The following EPB41L2 variants were observed in gnomAD, a reference collection of about 807,000 sequenced individuals.
EPB41L2 encodes the protein band 4.1-like protein 2.
A neutral mutation model predicts 113.0 loss-of-function variants in EPB41L2; 43 were observed. The ratio of observed to expected loss-of-function variants is 0.38; its 90% CI spans 0.30 to 0.49. The LOEUF is 0.49. EPB41L2 is among the 20% of genes least tolerant of loss of function. EPB41L2 has a pLI of 0.95. For missense variants in EPB41L2, 1,147 were observed against 1,223.4 expected (o/e 0.94, Z 0.93); for synonymous variants, 442 against 436.7 (o/e 1.01, Z -0.15).
At chr6:130,923,914 C>A (rs1229178188) in intron 4 of EPB41L2, among the ~76,000 whole-genome samples, 1 of 152,118 alleles carries the variant, frequency 6.6e-6, no homozygotes, top group East Asian at 1.9e-4. Context: ...TTCTCATTGT[C>A]CAACAGAGCT....
At position 130,858,182 on chromosome 6, in the gene EPB41L2, A is replaced by G. The variant is rs1780890498; in HGVS notation, c.2972T>C (p.Val991Ala). 1 of 1,613,660 alleles carries G rather than the reference A, an allele frequency of 6.2e-7. No homozygotes were observed. Among genetic ancestry groups the G allele is most frequent in the Non-Finnish European group, 8.5e-7 (1 of 1,179,870 alleles). Residue 991 changes from valine to alanine, a missense_variant, in exon 19 of 20, where the codon GTG (valine) becomes GCG (alanine). Transcript: ENST00000337057. The part of the protein sequence containing the change: ...EQHPDMSVTR[V>A]VVHKETELAE... ...CAACTCTGTTTCTTTGTGTACCACCACTCTTGTGACCGACATGTCAGGGTG... is the reference window on the plus strand; with the variant it reads ...CAACTCTGTTTCTTTGTGTACCACCGCTCTTGTGACCGACATGTCAGGGTG...
At chr6:131,047,001 T>C (rs1396113151) in intron 1 of EPB41L2, among the ~76,000 whole-genome samples, 4 of 152,182 alleles carry the variant, frequency 2.6e-5, no homozygotes, top group African/African-American at 9.7e-5. Flanking sequence ...GTTATGGCTA[T>C]AGGCTCTGGA....
chr6:130,869,942 C>T lies in EPB41L2; in HGVS notation c.2228G>A (p.Ser743Asn). The change falls in exon 15 of 20, where the codon AGC becomes AAC. Residue 743 changes from serine (S) to asparagine (N), a missense_variant. Physicochemically the swap from Ser to Asn is conservative, Grantham distance 46. Coordinates refer to ENST00000337057, the MANE Select transcript of EPB41L2 (RefSeq NM_001431.4). ...TTCCTCCTCACTCTCACTGCTGCTG[C>T]TGCTGCTCTCAGAAGACAGGGAGGT... ...DSTSLSSESS[S>N]SSSESEEEDV... The T allele has an allele frequency of 1.9e-6, 3 of 1,613,336 alleles. No homozygotes were observed. The highest frequency in any genetic ancestry group is 2.5e-6 in the Non-Finnish European group (3 of 1,180,026).
intron 1 of EPB41L2, among the ~76,000 whole-genome samples, chr6:131,057,789 G>A (rs944402852): frequency 6.6e-6 from 1 of 152,140 alleles, no homozygotes; most frequent in Admixed American, 6.5e-5. Flanking sequence ...AGAGGAAACT[G>A]GTCTCTTCAG....
chr6:130,971,913 A>G (rs1450586676), intron 1 of EPB41L2, among the ~76,000 whole-genome samples: 1 of 152,250 alleles, frequency 6.6e-6, no homozygotes, highest in Non-Finnish European at 1.5e-5. Flanking sequence ...AAGAATGTCT[A>G]TTCATTCAAC....
At chr6:130,971,690 G>A (rs1268864384) in intron 1 of EPB41L2, among the ~76,000 whole-genome samples, 2 of 152,168 alleles carry the variant, frequency 1.3e-5, no homozygotes, top group African/African-American at 4.8e-5. Flanking sequence ...GCTTGTTTCT[G>A]GAATTTTCCA....
intron 2 of EPB41L2, 42 bp downstream of exon 2, chr6:130,955,952 G>A (rs766927410): frequency 2.9e-5 from 46 of 1,577,314 alleles, no homozygotes; most frequent in Middle Eastern, 1.7e-4. Flanking sequence ...ATGTGGTTAC[G>A]CTATCAGGTT....
intron 3 of EPB41L2, among the ~76,000 whole-genome samples, chr6:130,929,902 C>CACACACACACACACACAAACAT: frequency 6.7e-6 from 1 of 148,524 alleles, no homozygotes; most frequent in African/African-American, 2.5e-5. Context: ...CACACATACA[C>CACACACACACACACACAAACAT]GCACAGTCAT....
intron 1 of EPB41L2, among the ~76,000 whole-genome samples, chr6:130,958,537 C>T (rs546232853): frequency 1.3e-5 from 2 of 150,630 alleles, no homozygotes; most frequent in African/African-American, 2.4e-5. Flanking sequence ...ACCAGGCAGG[C>T]GTTTCTGCAG....
At chr6:130,867,789 T>A in intron 15 of EPB41L2, 1 of 542,488 alleles carries the variant, frequency 1.8e-6, no homozygotes, top group Non-Finnish European at 3.3e-6. Flanking sequence ...TACATACATG[T>A]GCACATAGAT....
chr6:130,925,559 T>C (rs1804449726), intron 4 of EPB41L2, among the ~76,000 whole-genome samples: 1 of 152,204 alleles, frequency 6.6e-6, no homozygotes, highest in African/African-American at 2.4e-5. Flanking sequence ...TACAACATAC[T>C]GAATTGTCCC....
intron 1 of EPB41L2, among the ~76,000 whole-genome samples, chr6:130,981,924 A>G (rs985890259): frequency 2.6e-5 from 4 of 152,130 alleles, no homozygotes; most frequent in Admixed American, 6.5e-5. Context: ...TAAAATTACT[A>G]TTTATCACCA....
At chr6:131,005,378 C>T (rs1785254498) in intron 1 of EPB41L2, among the ~76,000 whole-genome samples, 1 of 152,186 alleles carries the variant, frequency 6.6e-6, no homozygotes, top group Admixed American at 6.5e-5. Flanking sequence ...TGCCCTAGAA[C>T]CTGACATTTG....
At chr6:130,867,124 T>C (rs1337981205) in intron 16 of EPB41L2, among the ~76,000 whole-genome samples, 1 of 152,154 alleles carries the variant, frequency 6.6e-6, no homozygotes, top group Non-Finnish European at 1.5e-5. Flanking sequence ...CAGATAAACT[T>C]TGCAAGACAA....
At chr6:130,867,330 C>T in intron 16 of EPB41L2, 129 bp downstream of exon 16, 1 of 1,206,438 alleles carries the variant, frequency 8.3e-7, no homozygotes, top group Non-Finnish European at 1.2e-6. Flanking sequence ...TTGAAGTACA[C>T]TTACAAAGTG....
chr6:131,023,338 C>A (rs1296907979), intron 1 of EPB41L2, among the ~76,000 whole-genome samples: 1 of 152,168 alleles, frequency 6.6e-6, no homozygotes, highest in Non-Finnish European at 1.5e-5. Context: ...TGTCCTTCAT[C>A]TTCCCTCCAA....
chr6:130,843,230 T>C (rs1776050433), intron 19 of EPB41L2, among the ~76,000 whole-genome samples: 1 of 152,222 alleles, frequency 6.6e-6, no homozygotes, highest in Non-Finnish European at 1.5e-5. Context: ...GAATCACCAA[T>C]GTCACTGCTA....
intron 1 of EPB41L2, among the ~76,000 whole-genome samples, chr6:131,055,249 T>C (rs1282796955): frequency 6.6e-6 from 1 of 152,158 alleles, no homozygotes; most frequent in African/African-American, 2.4e-5. Flanking sequence ...CATTTGCACT[T>C]TAAATGAAAG....
chr6:130,867,697 A>G (rs774987777), intron 15 of EPB41L2, 116 bp from the exon 16 acceptor site: 7 of 1,351,300 alleles, frequency 5.2e-6, no homozygotes, highest in Non-Finnish European at 7.2e-6. Flanking sequence ...CATGCACAAA[A>G]GAAAAGAGTA....
Sources: gnomAD v4.1 joint callset for allele counts (sites outside exome capture counted in the v4.1 genomes callset) on GRCh38, gnomAD v4.1.1 for gene constraint, MANE v1.5 for transcripts, NCBI Gene and HGNC (gene_info 2026-07-23, HGNC 2026-07-21) for gene names.